Variants in ACHE observed in about 807,000 individuals in gnomAD.
ACHE encodes acetylcholinesterase (Yt blood group).
Under a neutral mutation model 53.9 loss-of-function variants are expected in ACHE, and 19 were observed. The observed-to-expected ratio is 0.35, with a 90% CI of 0.25 to 0.52. The LOEUF is 0.52. Ranked by LOEUF, ACHE falls within the 20% of genes least tolerant of loss-of-function variation. ACHE has a pLI of 0.95. For missense variants in ACHE, 605 were observed against 849.4 expected (o/e 0.71, Z 3.58); for synonymous variants, 392 against 378.1 (o/e 1.04, Z -0.43).
Position 100,894,160 on chromosome 7 carries a change from G to A in ACHE, c.73C>T (p.Leu25=). The A allele has an allele frequency of 6.7e-7, 1 of 1,485,290 alleles. No homozygotes were observed. Among genetic ancestry groups the A allele is most frequent in the Non-Finnish European group, 8.9e-7 (1 of 1,123,996 alleles). The allele number at this position is 1,485,290 out of a possible 1,614,324, so 92.0% of individuals were successfully genotyped here. The change falls in exon 2 of 5, where the codon CTG becomes TTG. Residue 25 remains leucine, a synonymous_variant. Transcript: ENST00000241069. ...CCCTCAGCCCCCACTCCTCCACCCA[G>A]GAGCCAGAGGAGGAGGAGAAGGAGT... is the stretch of plus-strand genomic sequence containing the variant. ...SPLLLLLLWL[L]GGGVGAEGRE...
chr7:100,894,642 C>T (rs868572737), intron 1 of ACHE, among the ~76,000 whole-genome samples: 14 of 123,804 alleles, frequency 1.1e-4, no homozygotes, highest in African/African-American at 4.1e-4. Flanking sequence ...CGGGCAGCGC[C>T]GCTGGGGGAG....
At position 100,890,040 on chromosome 7, in the gene ACHE, G is replaced by A; in HGVS notation, c.*174C>T. 1 of 724,224 alleles carries A rather than the reference G, an allele frequency of 1.4e-6. No individual in the cohort carries two copies. The highest frequency in any genetic ancestry group is 3.0e-5 in the Admixed American group (1 of 33,668). 44.9% of individuals were successfully genotyped at this position (724,224 alleles called of 1,614,324 possible). ...AGCCCAGAGGGGCGAAGGCACCGCGGGGGAGGGAGCTCAGCCTGAGACATG... is the reference window on the plus strand; with the variant it reads ...AGCCCAGAGGGGCGAAGGCACCGCGAGGGAGGGAGCTCAGCCTGAGACATG... On this transcript the variant is annotated 3_prime_UTR_variant, in exon 5 of 5. Transcript: ENST00000241069.
intron 3 of ACHE, among the ~76,000 whole-genome samples, chr7:100,891,635 A>AT (rs1288523944): frequency 6.6e-6 from 1 of 152,094 alleles, no homozygotes; most frequent in Non-Finnish European, 1.5e-5. Context: ...CAAACATCAC[A>AT]TTTTTTAACA....
chr7:100,890,102 G>C lies in ACHE; in HGVS notation c.*112C>G. 7.3e-7 allele frequency: 1 copy of C among 1,373,900 alleles called. No individual in the cohort carries two copies. Among genetic ancestry groups the C allele is most frequent in the South Asian group, 1.4e-5 (1 of 71,344 alleles). 85.1% of individuals were successfully genotyped at this position (1,373,900 alleles called of 1,614,324 possible). A position where few individuals can be genotyped will look rare whatever the true frequency, so the allele number is the denominator to read the frequency against. The stretch of plus-strand genomic sequence containing the variant: ...GAGCCCCGGGGGACGTCGGGGTGGG[G>C]TGGGGATGGGCAGAGTCTGGGGCTC... On this transcript the variant is annotated 3_prime_UTR_variant, in exon 5 of 5. Transcript: ENST00000241069.
rs145811992 is a variant in ACHE, at chr7:100,892,472, A to G, written c.1415T>C (p.Leu472Pro). The change falls in exon 3 of 5, where the codon CTG (leucine) becomes CCG (proline). Residue 472 changes from leucine to proline, a missense_variant. Transcript: ENST00000241069. This position sits in a 1 kb window ranked among gnomAD's most constrained non-coding sequence, Gnocchi z 5.2. Reference protein sequence around the residue: ...EHRASTLSWPLWMGVPHGYEI... With the variant: ...EHRASTLSWPPWMGVPHGYEI... Reference sequence around the variant, plus strand: ...GTAGCCGTGGGGCACCCCCATCCACAGGGGCCAGGAGAGCGTGGAAGCACG... The same window carrying G: ...GTAGCCGTGGGGCACCCCCATCCACGGGGGCCAGGAGAGCGTGGAAGCACG... 210 of 1,570,762 alleles carry G rather than the reference A, an allele frequency of 1.3e-4. No homozygotes were observed. Among genetic ancestry groups the G allele is most frequent in the Non-Finnish European group, 1.8e-4 (202 of 1,151,330 alleles).
upstream of ACHE, chr7:100,896,317 TC>T (rs1791036253): frequency 6.5e-6 from 1 of 153,720 alleles, no homozygotes; most frequent in South Asian, 1.8e-4. Context: ...GGGTCATGCA[TC>T]CCCGGCCACG....
intron 4 of ACHE, 37 bp downstream of exon 4, chr7:100,891,132 C>G (rs1790658530): frequency 6.4e-7 from 1 of 1,571,412 alleles, no homozygotes; most frequent in African/African-American, 1.4e-5. Flanking sequence ...GCTCCCACTC[C>G]CCTCCTCCCA....
rs141299237 is a variant in ACHE at position 100,893,820 on chromosome 7, C to T, written c.413G>A (p.Arg138Gln). 36 of 1,613,094 alleles carry T rather than the reference C, an allele frequency of 2.2e-5. No individual in the cohort carries two copies. Among genetic ancestry groups the T allele is most frequent in the Admixed American group, 5.0e-5 (3 of 59,898 alleles). ...LYLNVWTPYP[R>Q]PTSPTPVLVW... ...GAGGACAGGGGTGGGGGATGTAGGC[C>T]GGGGGTATGGTGTCCACACGTTGAG... Residue 138 changes from arginine to glutamine, a missense_variant, in exon 2 of 5, where the codon CGG becomes CAG. Arg to Gln is a conservative substitution (Grantham distance 43, BLOSUM62 1). Transcript: ENST00000241069.
In ACHE at chr7:100,892,938, CAGAG is replaced by C; in HGVS notation, c.1069-124_1069-121del. 7.5e-7 allele frequency: 1 copy of C among 1,340,716 alleles called. No individual in the cohort carries two copies. The highest frequency in any genetic ancestry group is 9.9e-7 in the Non-Finnish European group (1 of 1,005,516). 83.1% of individuals were successfully genotyped at this position (1,340,716 alleles called of 1,614,324 possible). A position where few individuals can be genotyped will look rare whatever the true frequency, so the allele number is the denominator to read the frequency against. ...ACAGTTACAGACCCGGAACCATGGA[CAGAG>C]AGAGGACGAGATCAGGGGAGGGATG... On this transcript the variant is annotated intron_variant, in intron 2 of 4. Coordinates refer to ENST00000241069, the MANE Select transcript of ACHE (RefSeq NM_000665.5). The surrounding 1 kb of genome is among the most constrained non-coding windows in gnomAD (Gnocchi z 5.2).
chr7:100,891,887 C>T (rs1434641224), intron 3 of ACHE, among the ~76,000 whole-genome samples: 3 of 148,096 alleles, frequency 2.0e-5, no homozygotes, highest in Non-Finnish European at 4.5e-5. Flanking sequence ...CTCAAGCAAT[C>T]CTCCTGCCTC....
intron 3 of ACHE, among the ~76,000 whole-genome samples, chr7:100,891,812 A>G (rs1353009433): frequency 8.6e-6 from 1 of 115,950 alleles, no homozygotes; most frequent in Non-Finnish European, 1.7e-5. Flanking sequence ...TTTTCCAGAG[A>G]TAGGGCCACT....
At position 100,892,967 on chromosome 7, in the gene ACHE, G is replaced by T. The variant is rs1790791953; in HGVS notation, c.1069-149C>A. 3 of 1,256,184 alleles carry T rather than the reference G, an allele frequency of 2.4e-6. No homozygotes were observed. Among genetic ancestry groups the T allele is most frequent in the Non-Finnish European group, 3.2e-6 (3 of 929,936 alleles). The allele number at this position is 1,256,184 out of a possible 1,614,324, so 77.8% of individuals were successfully genotyped here. A position where few individuals can be genotyped will look rare whatever the true frequency, so the allele number is the denominator to read the frequency against. On this transcript the variant is annotated intron_variant, in intron 2 of 4. Transcript: ENST00000241069. This position sits in a 1 kb window ranked among gnomAD's most constrained non-coding sequence, Gnocchi z 5.2. The stretch of plus-strand genomic sequence containing the variant: ...GAGAGGACGAGATCAGGGGAGGGAT[G>T]CAGAGAAAGAGAAAATAGACCCATG...
intron 4 of ACHE, chr7:100,890,855 G>A (rs1790635090): frequency 1.4e-6 from 2 of 1,441,026 alleles, no homozygotes; most frequent in Non-Finnish European, 1.8e-6. Context: ...GGTTTGAGGA[G>A]GAAGGGAGCA....
At chr7:100,891,104 AG>A (rs1790655855) in intron 4 of ACHE, 64 bp downstream of exon 4, 1 of 1,551,806 alleles carries the variant, frequency 6.4e-7, no homozygotes, top group South Asian at 1.2e-5. Flanking sequence ...GGGAGAAGAG[AG>A]GGGTTACACC....
Position 100,890,392 on chromosome 7 carries a change from G to A in ACHE, c.1724-57C>T, listed in dbSNP as rs780349145. On this transcript the variant is annotated intron_variant, in intron 4 of 4. Coordinates refer to ENST00000241069, the MANE Select transcript of ACHE (RefSeq NM_000665.5). ...GGAGGACGGCACGAGGAAGGTCGGGGATCGGACATTTGGGCGGGTTGAAGG... is the reference window on the plus strand; with the variant it reads ...GGAGGACGGCACGAGGAAGGTCGGGAATCGGACATTTGGGCGGGTTGAAGG... 8 of 1,573,370 alleles carry A rather than the reference G, an allele frequency of 5.1e-6. No individual in the cohort carries two copies. The African/African-American group carries it at 5.4e-5, about 11-fold the overall frequency.
At chr7:100,891,849 T>G (rs1370400037) in intron 3 of ACHE, among the ~76,000 whole-genome samples, 1 of 144,294 alleles carries the variant, frequency 6.9e-6, no homozygotes, top group Non-Finnish European at 1.5e-5. Context: ...GGTGCCATCA[T>G]AGCTCACTGC....
intron 3 of ACHE, 93 bp from the exon 4 acceptor site, chr7:100,891,431 A>G: frequency 7.6e-7 from 1 of 1,307,770 alleles, no homozygotes; most frequent in East Asian, 2.8e-5. Context: ...CTCAGCGGAG[A>G]GCCCCAGAGA....
chr7:100,892,948 A>T lies in ACHE; in HGVS notation c.1069-130T>A. ...ACCCGGAACCATGGACAGAGAGAGGACGAGATCAGGGGAGGGATGCAGAGA... is the reference window on the plus strand; with the variant it reads ...ACCCGGAACCATGGACAGAGAGAGGTCGAGATCAGGGGAGGGATGCAGAGA... On this transcript the variant is annotated intron_variant, in intron 2 of 4. Transcript: ENST00000241069. This position sits in a 1 kb window ranked among gnomAD's most constrained non-coding sequence, Gnocchi z 5.2. 1 of 1,307,296 alleles carries T rather than the reference A, an allele frequency of 7.6e-7. No individual in the cohort carries two copies. The highest frequency in any genetic ancestry group is 1.0e-6 in the Non-Finnish European group (1 of 975,790). The allele number at this position is 1,307,296 out of a possible 1,614,324, so 81.0% of individuals were successfully genotyped here.
chr7:100,893,899 CA>C lies in ACHE; in HGVS notation c.333del (p.Phe111LeufsTer13). On this transcript the variant is annotated frameshift_variant, in exon 2 of 5. Coordinates refer to ENST00000241069, the MANE Select transcript of ACHE (RefSeq NM_000665.5). LOFTEE classifies it high-confidence loss of function. ...YQYVDTLYPG[F>X]EGTEMWNPNR... Reference sequence around the variant, plus strand: ...TTGGGGTTCCACATCTCGGTGCCCTCAAAACCTGGGTATAGGGTGTCCACAT... The same window carrying C: ...TTGGGGTTCCACATCTCGGTGCCCTCAAACCTGGGTATAGGGTGTCCACAT... 2 of 1,598,972 alleles carry C rather than the reference CA, an allele frequency of 1.3e-6. No individual in the cohort carries two copies. Among genetic ancestry groups the C allele is most frequent in the Non-Finnish European group, 1.7e-6 (2 of 1,171,392 alleles).
Sources: gnomAD v4.1 joint callset for allele counts (sites outside exome capture counted in the v4.1 genomes callset) on GRCh38, gnomAD v4.1.1 for gene constraint, Gnocchi (gnomAD v3.1) non-coding constraint, MANE v1.5 for transcripts, NCBI Gene and HGNC (gene_info 2026-07-23, HGNC 2026-07-21) for gene names.